ANKS1B: variants seen among roughly 807,000 people sequenced by gnomAD.
ANKS1B encodes ankyrin repeat and sterile alpha motif domain-containing protein 1B.
A neutral mutation model predicts 148.3 loss-of-function variants in ANKS1B; 36 were observed. The ratio of observed to expected loss-of-function variants is 0.24; its 90% CI spans 0.19 to 0.32. ANKS1B has a LOEUF of 0.32. Among genes scored for constraint, ANKS1B ranks in the 10% least tolerant of loss-of-function variants. The pLI is 1.00. For missense variants in ANKS1B, 1,157 were observed against 1,542.6 expected (o/e 0.75, Z 4.19); for synonymous variants, 542 against 560.8 (o/e 0.97, Z 0.47).
At chr12:99,864,715 G>T (rs1343723320) in intron 1 of ANKS1B, among the ~76,000 whole-genome samples, 1 of 152,164 alleles carries the variant, frequency 6.6e-6, no homozygotes, top group Non-Finnish European at 1.5e-5. Flanking sequence ...GCTGTGAAAT[G>T]ATATAATAAC....
At chr12:99,802,460 AT>A (rs1424228735) in intron 4 of ANKS1B, among the ~76,000 whole-genome samples, 1 of 152,176 alleles carries the variant, frequency 6.6e-6, no homozygotes, top group Non-Finnish European at 1.5e-5. Context: ...TATTAAAAAA[AT>A]ATTTAAAGAC....
At chr12:99,714,681 C>T (rs893744129) in intron 8 of ANKS1B, among the ~76,000 whole-genome samples, 1 of 152,164 alleles carries the variant, frequency 6.6e-6, no homozygotes, top group African/African-American at 2.4e-5. Context: ...GACTGCTCCA[C>T]CAACCAGCCT....
chr12:98,907,209 G>A lies in ANKS1B; in HGVS notation c.2779-75073C>T, dbSNP rs968990896. ...TCCAACATCTCCCCTTTGCATATTC[G>A]TTGTTGGTCAGGGCTATCTTGATGG... is the stretch of plus-strand genomic sequence containing the variant. On this transcript the variant is annotated intron_variant, in intron 17 of 26. Transcript: ENST00000683438. 3.3e-5 allele frequency among the ~76,000 whole-genome samples: 5 copies of A among 152,122 alleles called. No homozygotes were observed. In the South Asian group the frequency reaches 8.3e-4, roughly 25 times the overall value.
Position 99,283,396 on chromosome 12 carries a change from A to G in ANKS1B, c.1757-36532T>C, listed in dbSNP as rs1442867744. Among the ~76,000 whole-genome samples, 3 of 152,224 alleles carry G rather than the reference A, an allele frequency of 2.0e-5. No homozygotes were observed. The South Asian group carries it at 6.2e-4, about 32-fold the overall frequency. ...ATTATTCTTCAGTTATTAGTTATAC[A>G]TTTTTCAGTGATAGAGCTCACTGTT... is the stretch of plus-strand genomic sequence containing the variant. On this transcript the variant is annotated intron_variant, in intron 12 of 26. Coordinates refer to ENST00000683438, the MANE Select transcript of ANKS1B (RefSeq NM_001352186.2).
chr12:99,810,211 C>T (rs1368879587), intron 3 of ANKS1B, among the ~76,000 whole-genome samples: 3 of 151,818 alleles, frequency 2.0e-5, no homozygotes, highest in Non-Finnish European at 4.4e-5. Context: ...CTATAAAATG[C>T]GAGTGATATT....
intron 26 of ANKS1B, among the ~76,000 whole-genome samples, chr12:98,749,042 C>T (rs1332710876): frequency 2.0e-5 from 3 of 152,206 alleles, no homozygotes; most frequent in Non-Finnish European, 4.4e-5. Context: ...CACTGAACAC[C>T]TGCTATGGGC....
At chr12:99,830,453 G>GA (rs1243625914) in intron 1 of ANKS1B, among the ~76,000 whole-genome samples, 1 of 151,286 alleles carries the variant, frequency 6.6e-6, no homozygotes, top group African/African-American at 2.4e-5. Flanking sequence ...AAGAATTTAC[G>GA]GGAAAAAAAA....
At chr12:99,888,575 G>A (rs919151182) in intron 1 of ANKS1B, among the ~76,000 whole-genome samples, 1 of 152,150 alleles carries the variant, frequency 6.6e-6, no homozygotes, top group Non-Finnish European at 1.5e-5. Context: ...TGCCTTACCT[G>A]CACTGCATAG....
At chr12:99,196,541 C>A (rs2081398250) in intron 14 of ANKS1B, among the ~76,000 whole-genome samples, 1 of 151,944 alleles carries the variant, frequency 6.6e-6, no homozygotes, top group Non-Finnish European at 1.5e-5. Flanking sequence ...TCTTCAAAGA[C>A]TTATCTTACA....
At chr12:99,129,328 C>T (rs996498749) in intron 15 of ANKS1B, among the ~76,000 whole-genome samples, 3 of 152,098 alleles carry the variant, frequency 2.0e-5, no homozygotes, top group Non-Finnish European at 4.4e-5. Flanking sequence ...CCAAAGCAAA[C>T]CATTGGCTAA....
At chr12:99,423,628 T>C (rs1212404901) in intron 11 of ANKS1B, among the ~76,000 whole-genome samples, 1 of 152,090 alleles carries the variant, frequency 6.6e-6, no homozygotes, top group East Asian at 1.9e-4. Flanking sequence ...GTGTGGTACA[T>C]ATACACCATG....
In ANKS1B at chr12:99,229,857, T is replaced by C. The variant is rs141739626; in HGVS notation, c.2419+14485A>G. Among the ~76,000 whole-genome samples, 110 of 152,122 alleles carry C rather than the reference T, an allele frequency of 7.2e-4. 1 individual carries two copies. In the East Asian group the frequency reaches 0.017, roughly 24 times the overall value. ...TGTCTACAAAGAAGACATTTGCAAG[T>C]GGTTTCTAGCTTTATTGTGAATGTG... is the stretch of plus-strand genomic sequence containing the variant. On this transcript the variant is annotated intron_variant, in intron 14 of 26. Coordinates refer to ENST00000683438, the MANE Select transcript of ANKS1B (RefSeq NM_001352186.2).
Position 99,856,863 on chromosome 12 carries a change from T to C in ANKS1B, c.135-31474A>G, listed in dbSNP as rs141738115. ...TTATGACTGAAACCCTCAACAAAATTGGCGTAAAAGGGACATACCTTAAAG... is the reference window on the plus strand; with the variant it reads ...TTATGACTGAAACCCTCAACAAAATCGGCGTAAAAGGGACATACCTTAAAG... On this transcript the variant is annotated intron_variant, in intron 1 of 26. Coordinates refer to ENST00000683438, the MANE Select transcript of ANKS1B (RefSeq NM_001352186.2). 2.3e-4 allele frequency among the ~76,000 whole-genome samples: 35 copies of C among 152,132 alleles called. 1 individual carries two copies. Among genetic ancestry groups the C allele is most frequent in the African/African-American group, 7.9e-4 (33 of 41,534 alleles).
intron 12 of ANKS1B, among the ~76,000 whole-genome samples, chr12:99,332,638 G>A (rs1352922): frequency 0.11 from 16,837 of 150,498 alleles, 2,503 homozygotes; most frequent in African/African-American, 0.34. Flanking sequence ...GGAAGGTGGT[G>A]ATCAAGGTTT....
intron 1 of ANKS1B, among the ~76,000 whole-genome samples, chr12:99,900,369 G>C (rs1196634015): frequency 6.6e-6 from 1 of 151,604 alleles, no homozygotes; most frequent in African/African-American, 2.4e-5. Flanking sequence ...AGCCAGGTAT[G>C]GTTGCAGGTG....
chr12:98,979,807 A>G (rs1481757432), intron 17 of ANKS1B, among the ~76,000 whole-genome samples: 1 of 152,110 alleles, frequency 6.6e-6, no homozygotes, highest in East Asian at 1.9e-4. Context: ...TTGTAGTCAC[A>G]CCAAATTTAC....
intron 8 of ANKS1B, among the ~76,000 whole-genome samples, chr12:99,717,657 G>A (rs934920853): frequency 6.6e-6 from 1 of 152,170 alleles, no homozygotes; most frequent in African/African-American, 2.4e-5. Context: ...CTTAGTGGCT[G>A]AAGACTGACA....
At chr12:99,096,400 CTT>C (rs2153661525) in intron 15 of ANKS1B, among the ~76,000 whole-genome samples, 1 of 152,024 alleles carries the variant, frequency 6.6e-6, no homozygotes, top group Admixed American at 6.5e-5. Context: ...ACATTGAAAA[CTT>C]TGTTTTGGCT....
chr12:99,630,159 A>T (rs773389266), intron 9 of ANKS1B, among the ~76,000 whole-genome samples: 2 of 152,230 alleles, frequency 1.3e-5, no homozygotes, highest in African/African-American at 4.8e-5. Flanking sequence ...AGAAATATGA[A>T]GCATATTTCT....
Sources: allele counts gnomAD v4.1 joint callset (sites outside exome capture counted in the v4.1 genomes callset), GRCh38; gene constraint gnomAD v4.1.1; transcripts MANE v1.5; gene names NCBI Gene and HGNC (gene_info 2026-07-23, HGNC 2026-07-21).